GABRG3: variants seen among roughly 807,000 people sequenced by gnomAD.
GABRG3 encodes the protein gamma-aminobutyric acid receptor subunit gamma-3.
In GABRG3, 25 loss-of-function variants were observed where a neutral mutation model predicts 48.8. The observed-to-expected ratio is 0.51, with a 90% confidence interval of 0.37 to 0.72. The LOEUF is 0.72. GABRG3 is among the 30% of genes least tolerant of loss of function. The pLI is 0.00. For missense variants in GABRG3, 394 were observed against 577.9 expected (o/e 0.68, Z 3.26); for synonymous variants, 227 against 217.6 (o/e 1.04, Z -0.38).
intron 3 of GABRG3, among the ~76,000 whole-genome samples, chr15:27,272,805 G>A (rs1891132277): frequency 6.6e-6 from 1 of 152,186 alleles, no homozygotes; most frequent in Non-Finnish European, 1.5e-5. Context: ...ATTCAAAATA[G>A]AATCAGGACA....
intron 3 of GABRG3, among the ~76,000 whole-genome samples, chr15:27,210,985 A>G (rs190042006): frequency 7.9e-5 from 12 of 152,366 alleles, no homozygotes; most frequent in Non-Finnish European, 1.6e-4. Context: ...GAAAGTAGAA[A>G]TAAAAGAGGG....
intron 3 of GABRG3, among the ~76,000 whole-genome samples, chr15:27,233,658 T>C (rs568324828): frequency 8.5e-5 from 13 of 152,176 alleles, no homozygotes; most frequent in Non-Finnish European, 1.6e-4. Context: ...GGGAGTCGAC[T>C]TTCAACACAC....
chr15:27,200,236 A>C (rs1888638541), intron 3 of GABRG3, among the ~76,000 whole-genome samples: 1 of 152,150 alleles, frequency 6.6e-6, no homozygotes, highest in Admixed American at 6.5e-5. Flanking sequence ...GCAGCTGTTG[A>C]CCTGTTAACT....
chr15:27,244,440 A>G (rs1566977869), intron 3 of GABRG3, among the ~76,000 whole-genome samples: 1 of 152,242 alleles, frequency 6.6e-6, no homozygotes, highest in Admixed American at 6.5e-5. Context: ...TCAGAACCAC[A>G]CAGCGCTTAG....
chr15:27,120,302 A>G (rs1437338756), intron 3 of GABRG3, among the ~76,000 whole-genome samples: 1 of 152,058 alleles, frequency 6.6e-6, no homozygotes, highest in East Asian at 1.9e-4. Flanking sequence ...TGCTTATTGT[A>G]TGTTGCTGTT....
At chr15:27,308,752 T>C (rs62001304) in intron 3 of GABRG3, among the ~76,000 whole-genome samples, 69,704 of 148,296 alleles carry the variant, frequency 0.47, 18,546 homozygotes, top group Non-Finnish European at 0.61. Context: ...TATGTAAACA[T>C]ATAATGTAAA....
At chr15:27,383,662 G>C (rs759460666) in intron 5 of GABRG3, among the ~76,000 whole-genome samples, 7 of 151,620 alleles carry the variant, frequency 4.6e-5, no homozygotes, top group Non-Finnish European at 1.0e-4. Context: ...GTGAGAGGAA[G>C]ATACAAAGTC....
chr15:27,205,573 C>A (rs1888825751), intron 3 of GABRG3, among the ~76,000 whole-genome samples: 1 of 152,044 alleles, frequency 6.6e-6, no homozygotes, highest in Non-Finnish European at 1.5e-5. Flanking sequence ...ATGCTGACCT[C>A]ATAGAATGAG....
At chr15:27,177,558 T>A (rs1247035105) in intron 3 of GABRG3, among the ~76,000 whole-genome samples, 2 of 152,206 alleles carry the variant, frequency 1.3e-5, no homozygotes, top group Non-Finnish European at 2.9e-5. Context: ...CAAAGTTAAG[T>A]TATAAACTAA....
intron 5 of GABRG3, chr15:27,340,482 A>T (rs1272473646): frequency 2.6e-5 from 4 of 152,320 alleles, no homozygotes; most frequent in African/African-American, 9.7e-5. Flanking sequence ...TGAGTTAAAC[A>T]TGCAACCAGG....
intron 5 of GABRG3, among the ~76,000 whole-genome samples, chr15:27,428,682 C>T (rs575572465): frequency 2.2e-3 from 329 of 152,270 alleles, no homozygotes; most frequent in African/African-American, 7.7e-3. Context: ...GTCCACCAGA[C>T]AAAAATGAAG....
intron 6 of GABRG3, among the ~76,000 whole-genome samples, chr15:27,502,603 C>T (rs1211255190): frequency 2.6e-5 from 4 of 152,148 alleles, no homozygotes; most frequent in African/African-American, 9.7e-5. Flanking sequence ...GGGCTCTGTC[C>T]TTAAAACCAC....
At chr15:27,112,018 G>T (rs1221797895) in intron 3 of GABRG3, among the ~76,000 whole-genome samples, 1 of 152,160 alleles carries the variant, frequency 6.6e-6, no homozygotes, top group African/African-American at 2.4e-5. Context: ...CTTACCATGA[G>T]AATCTGGTGG....
chr15:27,129,670 C>T (rs1011888714), intron 3 of GABRG3, among the ~76,000 whole-genome samples: 1 of 151,424 alleles, frequency 6.6e-6, no homozygotes, highest in Non-Finnish European at 1.5e-5. Context: ...AAAGAAATGC[C>T]AATTTCTCCA....
Position 27,031,103 on chromosome 15 carries a change from CATT to C in GABRG3, c.270+4290_270+4292del, listed in dbSNP as rs546756832. 4.6e-5 allele frequency among the ~76,000 whole-genome samples: 7 copies of C among 150,754 alleles called. No homozygotes were observed. In the East Asian group the frequency reaches 1.2e-3, roughly 25 times the overall value. On this transcript the variant is annotated intron_variant, in intron 3 of 9. Coordinates refer to ENST00000615808, the MANE Select transcript of GABRG3 (RefSeq NM_033223.5). ...ACACACACACATACAACACATAACA[CATT>C]ATTATTAACATCTTGCATTAGTGTA...
intron 3 of GABRG3, among the ~76,000 whole-genome samples, chr15:27,112,642 G>A (rs999185954): frequency 3.3e-5 from 5 of 152,048 alleles, no homozygotes; most frequent in Non-Finnish European, 7.4e-5. Context: ...GTTTCACCAT[G>A]TTGGCCAGGC....
At chr15:27,312,398 A>AT (rs996674150) in intron 3 of GABRG3, among the ~76,000 whole-genome samples, 6 of 152,172 alleles carry the variant, frequency 3.9e-5, no homozygotes, top group African/African-American at 1.2e-4. Context: ...ACAGTAGCTA[A>AT]TTTTTTTCTA....
chr15:27,182,741 C>T (rs895026644), intron 3 of GABRG3, among the ~76,000 whole-genome samples: 5 of 152,212 alleles, frequency 3.3e-5, no homozygotes, highest in African/African-American at 9.6e-5. Context: ...GCTGTGCGCT[C>T]GCTGAATTTG....
At chr15:27,161,159 C>G (rs1260567391) in intron 3 of GABRG3, 1 of 152,126 alleles carries the variant, frequency 6.6e-6, no homozygotes, top group Non-Finnish European at 1.5e-5. Context: ...ATACGTGGAA[C>G]CTCCAACTCC....
Sources: allele counts gnomAD v4.1 joint callset (sites outside exome capture counted in the v4.1 genomes callset), GRCh38; gene constraint gnomAD v4.1.1; transcripts MANE v1.5; gene names NCBI Gene and HGNC (gene_info 2026-07-23, HGNC 2026-07-21).